TBC1D14: variants seen among roughly 807,000 people sequenced by gnomAD.
TBC1D14 encodes TBC1 domain family member 14.
In TBC1D14, 26 loss-of-function variants were observed where a neutral mutation model predicts 79.0. That is an observed-to-expected ratio of 0.33 (90% CI 0.24 to 0.46). The LOEUF (loss-of-function observed/expected upper bound fraction) is 0.46. Ranked by LOEUF, TBC1D14 falls within the 20% of genes least tolerant of loss-of-function variation. TBC1D14 has a pLI of 1.00. For missense variants in TBC1D14, 769 were observed against 887.6 expected, an observed-to-expected ratio of 0.87 and a Z score of 1.70; for synonymous variants, 394 against 349.9, an observed-to-expected ratio of 1.13 and a Z score of -1.40.
chr4:7,001,496 G>C (rs1560332736), intron 7 of TBC1D14: 2 of 448,414 alleles, frequency 4.5e-6, no homozygotes, highest in Non-Finnish European at 4.1e-6. Flanking sequence ...ACAGGGCTTA[G>C]AGCATCGGGG....
chr4:6,948,758 A>G (rs1455820324), intron 2 of TBC1D14, among the ~76,000 whole-genome samples: 1 of 145,024 alleles, frequency 6.9e-6, no homozygotes, highest in Admixed American at 6.9e-5. Flanking sequence ...GGAGTGCAGT[A>G]GTGAGATCTC....
chr4:7,022,869 G>A (rs368514480), intron 12 of TBC1D14, among the ~76,000 whole-genome samples: 15 of 151,908 alleles, frequency 9.9e-5, no homozygotes. Context: ...TTTGGGCTTG[G>A]GGGGGTACAT....
Position 6,960,081 on chromosome 4 carries a change from CTT to C in TBC1D14, c.723-7206_723-7205del, listed in dbSNP as rs10623660. On this transcript the variant is annotated intron_variant, in intron 2 of 13. Transcript: ENST00000409757. ...AAAGTTGGCTTTCTACCCTGTGCCC[CTT>C]TTTTTTTTTTTTTTTTGACACAGAG... 1.6e-3 allele frequency among the ~76,000 whole-genome samples: 209 copies of C among 131,270 alleles called. 1 individual carries two copies. The highest frequency in any genetic ancestry group is 8.6e-3 in the Middle Eastern group (2 of 232). 86.1% of individuals were successfully genotyped at this position (131,270 alleles called of 152,430 possible). A position where few individuals can be genotyped will look rare whatever the true frequency, so the allele number is the denominator to read the frequency against.
chr4:6,934,402 G>A (rs1712101738), intron 2 of TBC1D14, among the ~76,000 whole-genome samples: 1 of 152,114 alleles, frequency 6.6e-6, no homozygotes, highest in African/African-American at 2.4e-5. Context: ...GGGCAGATGA[G>A]GACTCAGAAT....
At chr4:6,964,318 G>A (rs540361343) in intron 2 of TBC1D14, among the ~76,000 whole-genome samples, 1 of 152,184 alleles carries the variant, frequency 6.6e-6, no homozygotes, top group Admixed American at 6.5e-5. Flanking sequence ...CACACTCCGC[G>A]GCTTCTGTGC....
chr4:7,017,763 C>T (rs766803359), intron 12 of TBC1D14, among the ~76,000 whole-genome samples: 11 of 152,164 alleles, frequency 7.2e-5, no homozygotes, highest in Admixed American at 7.2e-4. Context: ...AGTTCCAGTA[C>T]AGGGCAAGGC....
rs1250312857 is a variant in TBC1D14 at position 7,031,418 on chromosome 4, A to C, written c.*1026A>C. 6.6e-6 allele frequency: 1 copy of C among 152,288 alleles called. No individual in the cohort carries two copies. Among genetic ancestry groups the C allele is most frequent in the Non-Finnish European group, 1.5e-5 (1 of 68,062 alleles). The allele number at this position is 152,288 out of a possible 1,614,324, so 9.4% of individuals were successfully genotyped here. A position where few individuals can be genotyped will look rare whatever the true frequency, so the allele number is the denominator to read the frequency against. ...ACGTGTGCTTCATGACCCGTTGTAC[A>C]GACGGAGGAGCGAGCAACACACGTC... On this transcript the variant is annotated 3_prime_UTR_variant, in exon 14 of 14. Transcript: ENST00000409757.
chr4:6,924,009 C>T lies in TBC1D14; in HGVS notation c.620C>T (p.Ser207Phe). Residue 207 changes from serine to phenylalanine, a missense_variant, in exon 2 of 14, where the codon TCT becomes TTT. Physicochemically the swap from Ser to Phe is radical, Grantham distance 155. This residue lies in a region of TBC1D14 where 402 missense variants were observed against 393.2 expected (regional missense o/e 1.02). Coordinates refer to ENST00000409757, the MANE Select transcript of TBC1D14 (RefSeq NM_020773.3). ...CAGTTTACCAACGTCACCTTGAGCT[C>T]TATCAAGGAAACCCGTGGCTTACAC... is the stretch of plus-strand genomic sequence containing the variant. ...DPQFTNVTLS[S>F]IKETRGLHQQ... is the part of the protein sequence containing the mutation. 1 of 1,614,144 alleles carries T rather than the reference C, an allele frequency of 6.2e-7. No individual in the cohort carries two copies. The highest frequency in any genetic ancestry group is 8.5e-7 in the Non-Finnish European group (1 of 1,180,036).
At chr4:6,929,951 C>T (rs1223103653) in intron 2 of TBC1D14, among the ~76,000 whole-genome samples, 2 of 152,222 alleles carry the variant, frequency 1.3e-5, no homozygotes, top group Non-Finnish European at 2.9e-5. Flanking sequence ...TGAACATTCA[C>T]TTGTTAACTC....
chr4:6,910,791 T>A (rs1017150806), intron 1 of TBC1D14, among the ~76,000 whole-genome samples: 1 of 152,128 alleles, frequency 6.6e-6, no homozygotes, highest in Non-Finnish European at 1.5e-5. Flanking sequence ...TAAAGTTGCA[T>A]AGGACGCCGT....
chr4:6,941,919 T>A (rs1560265462), intron 2 of TBC1D14, among the ~76,000 whole-genome samples: 1 of 152,168 alleles, frequency 6.6e-6, no homozygotes, highest in Non-Finnish European at 1.5e-5. Context: ...GAGGTTAGGT[T>A]CAGCCTGGGA....
At chr4:6,909,657 G>A (rs1308208698), upstream of TBC1D14, among the ~76,000 whole-genome samples, 3 of 151,642 alleles carry the variant, frequency 2.0e-5, no homozygotes, top group East Asian at 3.9e-4. Context: ...CCCGGAAGAG[G>A]GACAGCCGGG....
chr4:6,991,860 TAAG>T (rs1031759205), intron 3 of TBC1D14, among the ~76,000 whole-genome samples: 3 of 152,244 alleles, frequency 2.0e-5, no homozygotes, highest in African/African-American at 7.2e-5. Context: ...TTGGTAATAG[TAAG>T]AAGCTCTGAC....
chr4:6,990,447 AAAAT>A (rs1304065816), intron 3 of TBC1D14, among the ~76,000 whole-genome samples: 1 of 152,230 alleles, frequency 6.6e-6, no homozygotes, highest in Non-Finnish European at 1.5e-5. Context: ...AGACTCCTCA[AAAAT>A]AAATAAATAA....
chr4:6,983,092 G>A (rs745888621), intron 3 of TBC1D14, among the ~76,000 whole-genome samples: 16 of 151,798 alleles, frequency 1.1e-4, no homozygotes, highest in Non-Finnish European at 2.2e-4. Context: ...GCACGATCTC[G>A]CCTCACTGCA....
intron 13 of TBC1D14, among the ~76,000 whole-genome samples, chr4:7,025,635 T>TA (rs1722288541): frequency 1.3e-5 from 2 of 152,258 alleles, no homozygotes; most frequent in Non-Finnish European, 2.9e-5. Context: ...TGGACCCACT[T>TA]ACTGAGCCCC....
chr4:6,977,991 G>GC (rs1716940085), intron 3 of TBC1D14, among the ~76,000 whole-genome samples: 1 of 151,356 alleles, frequency 6.6e-6, no homozygotes, highest in East Asian at 2.0e-4. Flanking sequence ...GAAGTGAGGA[G>GC]CCCCTCCGCC....
At chr4:7,028,746 C>T (rs1468797629) in intron 13 of TBC1D14, among the ~76,000 whole-genome samples, 1 of 151,884 alleles carries the variant, frequency 6.6e-6, no homozygotes, top group Non-Finnish European at 1.5e-5. Flanking sequence ...AACTTTTATA[C>T]AGTTCAGGTC....
chr4:7,029,093 GC>G (rs1722778905), intron 13 of TBC1D14, among the ~76,000 whole-genome samples: 1 of 151,998 alleles, frequency 6.6e-6, no homozygotes, highest in South Asian at 2.1e-4. Context: ...TCCTCCCTTG[GC>G]CTCCCAAAGT....
Sources: allele counts gnomAD v4.1 joint callset (sites outside exome capture counted in the v4.1 genomes callset), GRCh38; gene constraint gnomAD v4.1.1; regional missense constraint gnomAD v4.1.1; transcripts MANE v1.5; gene names NCBI Gene and HGNC (gene_info 2026-07-23, HGNC 2026-07-21).